The following NDUFAF2 variants were observed in gnomAD, a reference collection of about 807,000 sequenced individuals.
NDUFAF2 encodes NADH:ubiquinone oxidoreductase complex assembly factor 2.
Under a neutral mutation model 22.8 loss-of-function variants are expected in NDUFAF2, and 13 were observed. The ratio of observed to expected loss-of-function variants is 0.57; its 90% CI spans 0.37 to 0.91. The LOEUF (loss-of-function observed/expected upper bound fraction) is 0.91. Among genes scored for constraint, NDUFAF2 ranks in the 40% least tolerant of loss-of-function variants. The pLI is 0.01. For synonymous variants in NDUFAF2, 53 were observed against 64.2 expected, an observed-to-expected ratio of 0.83 and a Z score of 0.84; for missense variants, 162 against 195.2, an observed-to-expected ratio of 0.83 and a Z score of 1.01.
At position 61,073,170 on chromosome 5, in the gene NDUFAF2, A is replaced by G; in HGVS notation, c.173A>G (p.Lys58Arg). 6.2e-7 allele frequency: 1 copy of G among 1,613,484 alleles called. No individual in the cohort carries two copies. Among genetic ancestry groups the G allele is most frequent in the Non-Finnish European group, 8.5e-7 (1 of 1,179,568 alleles). Residue 58 changes from lysine to arginine, a missense_variant, in exon 2 of 4, where the codon AAA becomes AGA. By Grantham distance (26) the Lys-to-Arg change is conservative. Transcript: ENST00000296597. ...AGAATTGTAGAAGCAGCAAATAAAA[A>G]AGAAGTAGACTATGAAGCAGGGGAT... is the stretch of plus-strand genomic sequence containing the variant. ...EKRIVEAANKKEVDYEAGDIP... is the reference protein window; with the variant it reads ...EKRIVEAANKREVDYEAGDIP...
At chr5:60,978,797 G>A (rs763589610) in intron 1 of NDUFAF2, among the ~76,000 whole-genome samples, 6 of 152,108 alleles carry the variant, frequency 3.9e-5, no homozygotes, top group African/African-American at 1.2e-4. Context: ...GTGGACTTGC[G>A]GTGCCTATGA....
chr5:61,011,743 A>G (rs1164588461), intron 1 of NDUFAF2, among the ~76,000 whole-genome samples: 1 of 152,056 alleles, frequency 6.6e-6, no homozygotes, highest in East Asian at 1.9e-4. Context: ...TAACGTTATC[A>G]TTGGTCTTCC....
intron 1 of NDUFAF2, among the ~76,000 whole-genome samples, chr5:60,981,884 G>A (rs1750983315): frequency 6.6e-6 from 1 of 152,116 alleles, no homozygotes; most frequent in Admixed American, 6.6e-5. Context: ...ATGGTGCTGG[G>A]AAAACTGGAT....
At chr5:61,089,620 C>T (rs1175167970) in intron 2 of NDUFAF2, among the ~76,000 whole-genome samples, 1 of 151,932 alleles carries the variant, frequency 6.6e-6, no homozygotes, top group African/African-American at 2.4e-5. Context: ...GGTTATTGTA[C>T]AATTATAAAT....
chr5:61,067,498 T>A (rs1752245630), intron 1 of NDUFAF2, among the ~76,000 whole-genome samples: 1 of 152,178 alleles, frequency 6.6e-6, no homozygotes, highest in Non-Finnish European at 1.5e-5. Flanking sequence ...CTCATCATTT[T>A]TTATGGCTGC....
At chr5:61,038,934 A>G (rs562349725) in intron 1 of NDUFAF2, among the ~76,000 whole-genome samples, 1 of 151,214 alleles carries the variant, frequency 6.6e-6, no homozygotes, top group East Asian at 1.9e-4. Flanking sequence ...TTATCTTGTT[A>G]CATGTGTTTT....
At position 61,108,353 on chromosome 5, in the gene NDUFAF2, C is replaced by T. The variant is rs573811622; in HGVS notation, c.258+9321C>T. On this transcript the variant is annotated intron_variant, in intron 3 of 3. Transcript: ENST00000296597. Reference sequence around the variant, plus strand: ...GTGTTCCTATTTCTCCACATCCTCTCCAGCACCTGTTGTTTCCTGACTTTT... The same window carrying T: ...GTGTTCCTATTTCTCCACATCCTCTTCAGCACCTGTTGTTTCCTGACTTTT... Among the ~76,000 whole-genome samples the T allele has an allele frequency of 8.6e-5, 13 of 150,306 alleles. No individual in the cohort carries two copies. The South Asian group carries it at 2.7e-3, about 31-fold the overall frequency.
intron 3 of NDUFAF2, among the ~76,000 whole-genome samples, chr5:61,139,948 C>T (rs906372168): frequency 6.6e-6 from 1 of 152,256 alleles, no homozygotes; most frequent in Admixed American, 6.5e-5. Context: ...GGGACCACCC[C>T]TACATCCCCT....
At chr5:61,018,495 T>G (rs903154434) in intron 1 of NDUFAF2, among the ~76,000 whole-genome samples, 3 of 152,212 alleles carry the variant, frequency 2.0e-5, no homozygotes, top group Admixed American at 6.5e-5. Flanking sequence ...AGAAGATTAT[T>G]AAACATTTAT....
intron 3 of NDUFAF2, among the ~76,000 whole-genome samples, chr5:61,114,107 A>T (rs1271765571): frequency 6.6e-6 from 1 of 152,060 alleles, no homozygotes; most frequent in Non-Finnish European, 1.5e-5. Flanking sequence ...TTTACCTTTG[A>T]ATAAACTTTC....
At chr5:60,952,267 GTTC>G (rs1256446707) in intron 1 of NDUFAF2, among the ~76,000 whole-genome samples, 1 of 151,374 alleles carries the variant, frequency 6.6e-6, no homozygotes, top group Non-Finnish European at 1.5e-5. Context: ...GGTTTTATAT[GTTC>G]TTCTAGTTTC....
chr5:61,040,300 G>GCGCGCA (rs1276666903), intron 1 of NDUFAF2, among the ~76,000 whole-genome samples: 3 of 149,100 alleles, frequency 2.0e-5, no homozygotes, highest in African/African-American at 7.5e-5. Flanking sequence ...GCGCGCGCGC[G>GCGCGCA]CGAAAGTTGA....
intron 1 of NDUFAF2, among the ~76,000 whole-genome samples, chr5:60,988,541 T>A (rs961474760): frequency 1.3e-5 from 2 of 152,158 alleles, no homozygotes; most frequent in African/African-American, 4.8e-5. Flanking sequence ...CCCACAGGGC[T>A]GTAGTAACCA....
At chr5:61,026,847 G>A (rs571097396) in intron 1 of NDUFAF2, among the ~76,000 whole-genome samples, 4 of 151,662 alleles carry the variant, frequency 2.6e-5, no homozygotes, top group South Asian at 4.2e-4. Flanking sequence ...CATATCTTGT[G>A]GAGATTTCAT....
chr5:61,129,513 G>A (rs1480884206), intron 3 of NDUFAF2, among the ~76,000 whole-genome samples: 1 of 151,940 alleles, frequency 6.6e-6, no homozygotes, highest in Non-Finnish European at 1.5e-5. Context: ...GAAACTGGAA[G>A]CCATCATTCT....
At chr5:61,117,679 T>TA (rs200138675) in intron 3 of NDUFAF2, among the ~76,000 whole-genome samples, 2,954 of 129,038 alleles carry the variant, frequency 0.023, 71 homozygotes, top group African/African-American at 0.058. Context: ...TGACTTTTTT[T>TA]TAAAAAAAAA....
chr5:60,977,440 T>G, intron 1 of NDUFAF2, among the ~76,000 whole-genome samples: 1 of 151,610 alleles, frequency 6.6e-6, no homozygotes, highest in East Asian at 1.9e-4. Flanking sequence ...AAGAAAAAAT[T>G]GAAACAAACG....
In NDUFAF2 at chr5:61,152,859, T is replaced by A. The variant is rs770172045; in HGVS notation, c.414T>A (p.Phe138Leu). 6.2e-6 allele frequency: 10 copies of A among 1,608,964 alleles called. No homozygotes were observed. In the East Asian group the frequency reaches 1.8e-4, roughly 29 times the overall value. ...QIKGHASAPY[F>L]GKEEPSVAPS... is the part of the protein sequence containing the mutation. ...AAGGCCATGCCTCTGCTCCATACTTTGGAAAGGAAGAACCCTCAGTGGCTC... is the reference window on the plus strand; with the variant it reads ...AAGGCCATGCCTCTGCTCCATACTTAGGAAAGGAAGAACCCTCAGTGGCTC... Residue 138 changes from phenylalanine to leucine, a missense_variant, in exon 4 of 4, where the codon TTT (phenylalanine) becomes TTA (leucine). Physicochemically the swap from Phe to Leu is conservative, Grantham distance 22. Around this residue, in one of 2 missense-constraint regions of NDUFAF2, gnomAD observed 68 missense variants for 110.0 expected, o/e 0.62. Transcript: ENST00000296597.
At chr5:60,949,555 A>C (rs1417169780) in intron 1 of NDUFAF2, among the ~76,000 whole-genome samples, 1 of 152,222 alleles carries the variant, frequency 6.6e-6, no homozygotes, top group Non-Finnish European at 1.5e-5. Context: ...CCATGAGTAC[A>C]TACCTAAGAG....
Sources: allele counts gnomAD v4.1 joint callset (sites outside exome capture counted in the v4.1 genomes callset), GRCh38; gene constraint gnomAD v4.1.1; regional missense constraint gnomAD v4.1.1; transcripts MANE v1.5; gene names NCBI Gene and HGNC (gene_info 2026-07-23, HGNC 2026-07-21).